The following ILRUN variants were observed in gnomAD, a reference collection of about 807,000 sequenced individuals.
The protein encoded by ILRUN is inflammation and lipid regulator with UBA-like and NBR1-like domains.
In ILRUN, 3 loss-of-function variants were observed where a neutral mutation model predicts 33.8. The observed-to-expected ratio is 0.09, with a 90% confidence interval of 0.04 to 0.23. The LOEUF (loss-of-function observed/expected upper bound fraction) is 0.23. Ranked by LOEUF, ILRUN falls within the 10% of genes least tolerant of loss-of-function variation. ILRUN has a pLI of 1.00. For missense variants in ILRUN, 210 were observed against 375.1 expected (o/e 0.56, Z 3.64); for synonymous variants, 124 against 138.9 (o/e 0.89, Z 0.75).
At chr6:34,672,507 A>T (rs1763138605) in intron 1 of ILRUN, among the ~76,000 whole-genome samples, 1 of 152,156 alleles carries the variant, frequency 6.6e-6, no homozygotes, top group South Asian at 2.1e-4. Context: ...TGAGCCCAGG[A>T]GTTCAAGACC....
At chr6:34,636,022 C>T (rs115529357) in intron 3 of ILRUN, among the ~76,000 whole-genome samples, 92 of 152,128 alleles carry the variant, frequency 6.0e-4, no homozygotes, top group African/African-American at 2.0e-3. Flanking sequence ...CTTCGGGAGG[C>T]GAAGAGGAAG....
At chr6:34,653,757 G>A (rs937733819) in intron 2 of ILRUN, among the ~76,000 whole-genome samples, 1 of 151,906 alleles carries the variant, frequency 6.6e-6, no homozygotes, top group African/African-American at 2.4e-5. Context: ...AGGATAGCTT[G>A]AGCCCAAGAG....
intron 3 of ILRUN, among the ~76,000 whole-genome samples, chr6:34,623,688 C>T (rs1762054980): frequency 6.6e-6 from 1 of 152,152 alleles, no homozygotes; most frequent in Admixed American, 6.6e-5. Flanking sequence ...AGAGGCAAAT[C>T]TATACAGCTG....
intron 1 of ILRUN, among the ~76,000 whole-genome samples, chr6:34,687,562 G>C (rs1041680323): frequency 6.6e-6 from 1 of 151,782 alleles, no homozygotes; most frequent in African/African-American, 2.4e-5. Flanking sequence ...GCAGGGCGTG[G>C]TGGCACACAG....
chr6:34,663,763 T>C (rs1157234128), intron 1 of ILRUN, among the ~76,000 whole-genome samples: 1 of 152,204 alleles, frequency 6.6e-6, no homozygotes, highest in Non-Finnish European at 1.5e-5. Flanking sequence ...ACCATCACCA[T>C]GTTTAGAATA....
At chr6:34,644,732 G>C (rs1010715601) in intron 3 of ILRUN, among the ~76,000 whole-genome samples, 1 of 152,102 alleles carries the variant, frequency 6.6e-6, no homozygotes, top group African/African-American at 2.4e-5. Context: ...AAGGGGGAGG[G>C]ATGAATTTTC....
At chr6:34,637,086 A>G (rs540674967) in intron 3 of ILRUN, among the ~76,000 whole-genome samples, 2 of 152,316 alleles carry the variant, frequency 1.3e-5, no homozygotes, top group African/African-American at 4.8e-5. Context: ...GAAAGTAATC[A>G]TTAAACCAAG....
At chr6:34,654,826 T>C (rs1328458041) in intron 1 of ILRUN, 47 bp from the exon 2 acceptor site, 1 of 1,520,600 alleles carries the variant, frequency 6.6e-7, no homozygotes, top group South Asian at 1.3e-5. Flanking sequence ...TGTCCAGATA[T>C]TATCCTAATT....
intron 4 of ILRUN, among the ~76,000 whole-genome samples, chr6:34,599,315 T>C (rs1235649963): frequency 2.0e-5 from 3 of 152,258 alleles, no homozygotes; most frequent in African/African-American, 4.8e-5. Flanking sequence ...GTGGATAGTA[T>C]GAAATGGTTT....
intron 3 of ILRUN, among the ~76,000 whole-genome samples, chr6:34,629,962 G>A (rs1017100621): frequency 6.6e-6 from 1 of 152,040 alleles, no homozygotes; most frequent in African/African-American, 2.4e-5. Context: ...GATAAATTCT[G>A]ACTTATAAAT....
At chr6:34,657,080 T>C (rs937899719) in intron 1 of ILRUN, among the ~76,000 whole-genome samples, 2 of 152,202 alleles carry the variant, frequency 1.3e-5, no homozygotes, top group Non-Finnish European at 2.9e-5. Flanking sequence ...GGAATTAGCA[T>C]TACACTTAGG....
chr6:34,606,267 T>A (rs1024872935), intron 4 of ILRUN, among the ~76,000 whole-genome samples: 3 of 152,114 alleles, frequency 2.0e-5, no homozygotes, highest in Non-Finnish European at 4.4e-5. Context: ...TTTCTTTTTT[T>A]AAAATACTAA....
At chr6:34,675,420 A>C (rs1216459428) in intron 1 of ILRUN, among the ~76,000 whole-genome samples, 1 of 152,208 alleles carries the variant, frequency 6.6e-6, no homozygotes, top group African/African-American at 2.4e-5. Flanking sequence ...AAACTGACTA[A>C]TCATCTGGAA....
At chr6:34,602,582 A>C (rs1256442394) in intron 4 of ILRUN, among the ~76,000 whole-genome samples, 1 of 152,208 alleles carries the variant, frequency 6.6e-6, no homozygotes, top group Non-Finnish European at 1.5e-5. Flanking sequence ...CTTGATCGTC[A>C]GATGCTCTTC....
chr6:34,624,495 G>GTT (rs981593629), intron 3 of ILRUN, among the ~76,000 whole-genome samples: 1 of 150,530 alleles, frequency 6.6e-6, no homozygotes, highest in Non-Finnish European at 1.5e-5. Context: ...GGCTAATTTT[G>GTT]TTTTTTTGTT....
intron 3 of ILRUN, 127 bp from the exon 4 acceptor site, chr6:34,607,031 A>ATTT: frequency 1.4e-6 from 1 of 726,128 alleles, no homozygotes; most frequent in South Asian, 1.9e-5. Flanking sequence ...CTAGTTTTAA[A>ATTT]AGCTTGCTAA....
intron 1 of ILRUN, among the ~76,000 whole-genome samples, chr6:34,683,143 CAT>C (rs1398921890): frequency 1.4e-5 from 2 of 145,516 alleles, no homozygotes; most frequent in Non-Finnish European, 3.0e-5. Flanking sequence ...CACACACACA[CAT>C]ATAAATACAC....
At position 34,696,623 on chromosome 6, in the gene ILRUN, C is replaced by CT. The variant is rs755742577; in HGVS notation, c.-21dup. ...CTCCATGGCGGGGACCGGACACCCGCTTCCCCGCCTCTTCACAACCAAGCC... is the reference window on the plus strand; with the variant it reads ...CTCCATGGCGGGGACCGGACACCCGCTTTCCCCGCCTCTTCACAACCAAGCC... On this transcript the variant is annotated 5_prime_UTR_variant, in exon 1 of 5. Transcript: ENST00000374023. 4 of 1,575,500 alleles carry CT rather than the reference C, an allele frequency of 2.5e-6. No homozygotes were observed. The African/African-American group carries it at 5.4e-5, about 21-fold the overall frequency.
intron 1 of ILRUN, among the ~76,000 whole-genome samples, chr6:34,693,636 T>C (rs769849690): frequency 6.0e-5 from 9 of 151,136 alleles, no homozygotes; most frequent in Admixed American, 1.3e-4. Flanking sequence ...ATAAGTTTTT[T>C]ATATAAAAAC....
Sources: allele counts gnomAD v4.1 joint callset (sites outside exome capture counted in the v4.1 genomes callset), GRCh38; gene constraint gnomAD v4.1.1; transcripts MANE v1.5; gene names NCBI Gene and HGNC (gene_info 2026-07-23, HGNC 2026-07-21).